Variants in GALNT8 observed in about 807,000 individuals in gnomAD.
GALNT8 encodes the protein probable polypeptide N-acetylgalactosaminyltransferase 8.
GALNT8 carries 66 observed loss-of-function variants against 62.7 expected under a neutral mutation model. That is an observed-to-expected ratio of 1.05 (90% CI 0.86 to 1.29). The LOEUF (loss-of-function observed/expected upper bound fraction) is 1.29, where lower values mean the gene tolerates loss of function less well. GALNT8 is among the 50% of genes most tolerant of loss of function. The pLI is 0.00. For synonymous variants in GALNT8, 288 were observed against 294.3 expected (o/e 0.98, Z 0.22); for missense variants, 771 against 791.8 (o/e 0.97, Z 0.32).
At chr12:4,722,323 A>G (rs1946174763) in intron 1 of GALNT8, among the ~76,000 whole-genome samples, 1 of 152,108 alleles carries the variant, frequency 6.6e-6, no homozygotes, top group Admixed American at 6.5e-5. Context: ...CTAAGATCGA[A>G]TCCTGATGTG....
At chr12:4,747,675 CAA>C (rs1392332330) in intron 6 of GALNT8, among the ~76,000 whole-genome samples, 1 of 152,172 alleles carries the variant, frequency 6.6e-6, no homozygotes, top group Non-Finnish European at 1.5e-5. Context: ...CTGCAACAAA[CAA>C]AAGAGTGCAG....
intron 1 of GALNT8, among the ~76,000 whole-genome samples, chr12:4,721,169 A>AT: frequency 6.6e-6 from 1 of 151,968 alleles, no homozygotes; most frequent in South Asian, 2.1e-4. Flanking sequence ...TTATATCTAC[A>AT]TATGTGCAGG....
Position 4,720,498 on chromosome 12 carries a change from G to T in GALNT8, c.-180G>T. 1.7e-6 allele frequency: 1 copy of T among 600,614 alleles called. No homozygotes were observed. Among genetic ancestry groups the T allele is most frequent in the Non-Finnish European group, 3.0e-6 (1 of 336,634 alleles). 37.2% of individuals were successfully genotyped at this position (600,614 alleles called of 1,614,324 possible). ...GGCATAAAGACAAAGAAGGCAATAA[G>T]GAGACTTTGCTCCTCAGAGGCCACC... On this transcript the variant is annotated 5_prime_UTR_variant, in exon 1 of 11. The change creates a new upstream start codon in the 5' untranslated region. Transcript: ENST00000252318.
intron 3 of GALNT8, among the ~76,000 whole-genome samples, chr12:4,742,754 G>A (rs1342848942): frequency 2.0e-5 from 3 of 152,014 alleles, no homozygotes; most frequent in Non-Finnish European, 4.4e-5. Flanking sequence ...AGGGAGCGCC[G>A]AAGGAATGGT....
Position 4,726,756 on chromosome 12 carries a change from A to C in GALNT8, c.436A>C (p.Lys146Gln). The change falls in exon 2 of 11, where the codon AAG becomes CAG. Residue 146 changes from lysine (K) to glutamine (Q), a missense_variant. Physicochemically the swap from Lys to Gln is moderately conservative, Grantham distance 53. Transcript: ENST00000252318. The surrounding 1 kb of genome is among the most constrained non-coding windows in gnomAD (Gnocchi z 4.1). ...QQKAAQDLFR[K>Q]FGYNAYLSNQ... is the part of the protein sequence containing the mutation. The stretch of plus-strand genomic sequence containing the variant: ...GAAGGCGGCCCAGGACCTCTTCCGG[A>C]AGTTTGGTTACAACGCGTACCTCAG... 1 of 1,613,924 alleles carries C rather than the reference A, an allele frequency of 6.2e-7. No homozygotes were observed.
rs76265421 is a variant in GALNT8, at chr12:4,762,601, C to T, written c.1360-652C>T. On this transcript the variant is annotated intron_variant, in intron 7 of 10. Coordinates refer to ENST00000252318, the MANE Select transcript of GALNT8 (RefSeq NM_017417.2). ...GCTTATGAGGAGAAATAAACCTGAG[C>T]GGCCCCACTATGCAGGCCTTGAAGG... Among the ~76,000 whole-genome samples the T allele has an allele frequency of 7.3e-3, 1,107 of 152,276 alleles. 14 individuals are homozygous for T. Among genetic ancestry groups the T allele is most frequent in the African/African-American group, 0.025 (1,059 of 41,536 alleles).
chr12:4,746,324 C>T lies in GALNT8; in HGVS notation c.1173+66C>T, dbSNP rs1296123761. ...GGGGAATAATAGAAAGGTAGTAGGACCCCTGGAATCCTAGAACAAGGCTGA... is the reference window on the plus strand; with the variant it reads ...GGGGAATAATAGAAAGGTAGTAGGATCCCTGGAATCCTAGAACAAGGCTGA... On this transcript the variant is annotated intron_variant, in intron 6 of 10. Transcript: ENST00000252318. 5 of 884,766 alleles carry T rather than the reference C, an allele frequency of 5.7e-6. No individual in the cohort carries two copies. In the East Asian group the frequency reaches 9.6e-5, roughly 17 times the overall value. 54.8% of individuals were successfully genotyped at this position (884,766 alleles called of 1,614,324 possible).
At chr12:4,763,905 T>A (rs765504052) in intron 8 of GALNT8, 47 bp from the exon 9 acceptor site, 7 of 983,890 alleles carry the variant, frequency 7.1e-6, no homozygotes, top group Admixed American at 1.7e-5. Context: ...TGGCGCCTCA[T>A]TCTCTGTCCT....
intron 10 of GALNT8, among the ~76,000 whole-genome samples, chr12:4,769,789 A>T (rs946283925): frequency 3.3e-5 from 5 of 152,090 alleles, no homozygotes; most frequent in African/African-American, 7.2e-5. Context: ...TCCTGAGGAC[A>T]TGACCTCATG....
chr12:4,766,585 A>C (rs1484659189), intron 10 of GALNT8, among the ~76,000 whole-genome samples: 2 of 152,178 alleles, frequency 1.3e-5, no homozygotes, highest in African/African-American at 4.8e-5. Context: ...GGCGGAGGGA[A>C]TCTGGCAGAA....
chr12:4,723,811 T>C (rs1210551088), intron 1 of GALNT8, among the ~76,000 whole-genome samples: 1 of 151,088 alleles, frequency 6.6e-6, no homozygotes, highest in Non-Finnish European at 1.5e-5. Context: ...TAATTACCCT[T>C]CATCCTGTTT....
intron 6 of GALNT8, among the ~76,000 whole-genome samples, chr12:4,747,635 G>T (rs1018306659): frequency 2.0e-5 from 3 of 151,998 alleles, no homozygotes; most frequent in Non-Finnish European, 2.9e-5. Flanking sequence ...CACTTAGATT[G>T]CTTCCATATC....
chr12:4,756,100 T>A (rs1946343653), intron 6 of GALNT8, among the ~76,000 whole-genome samples: 1 of 152,236 alleles, frequency 6.6e-6, no homozygotes, highest in African/African-American at 2.4e-5. Context: ...CCAATAAATT[T>A]CATGAATCAG....
intron 6 of GALNT8, among the ~76,000 whole-genome samples, chr12:4,759,340 G>A (rs1946361419): frequency 1.3e-5 from 2 of 151,908 alleles, no homozygotes; most frequent in South Asian, 4.2e-4. Flanking sequence ...CTCAGAGGCT[G>A]CCATAACTGA....
intron 1 of GALNT8, among the ~76,000 whole-genome samples, chr12:4,724,477 G>A (rs1453739782): frequency 6.6e-6 from 1 of 152,186 alleles, no homozygotes; most frequent in East Asian, 1.9e-4. Flanking sequence ...CCCACTGATA[G>A]CCATGAGTGA....
chr12:4,763,317 A>G lies in GALNT8; in HGVS notation c.1424A>G (p.Lys475Arg), dbSNP rs914455892. ...GCACTCCGGGAAAAACTGAAATGTA[A>G]AACTTTTGACTGGTACCTGAAAAAT... ...RMALREKLKC[K>R]TFDWYLKNVY... is the part of the protein sequence containing the mutation. The change falls in exon 8 of 11, where the codon AAA (lysine) becomes AGA (arginine). Residue 475 changes from lysine to arginine, a missense_variant. Physicochemically the swap from Lys to Arg is conservative, Grantham distance 26 (BLOSUM62 2). Transcript: ENST00000252318. 6.2e-7 allele frequency: 1 copy of G among 1,612,268 alleles called. No homozygotes were observed. The highest frequency in any genetic ancestry group is 8.5e-7 in the Non-Finnish European group (1 of 1,178,280).
At chr12:4,756,255 C>A (rs1259780026) in intron 6 of GALNT8, among the ~76,000 whole-genome samples, 14 of 152,094 alleles carry the variant, frequency 9.2e-5, no homozygotes, top group Admixed American at 6.5e-5. Flanking sequence ...TTTTCATCTT[C>A]CAGCCTAAGG....
intron 1 of GALNT8, among the ~76,000 whole-genome samples, chr12:4,725,479 C>T (rs1946190587): frequency 6.6e-6 from 1 of 151,606 alleles, no homozygotes; most frequent in Non-Finnish European, 1.5e-5. Context: ...TTCTCAGGCT[C>T]TACCCCAGAA....
intron 10 of GALNT8, among the ~76,000 whole-genome samples, chr12:4,767,062 T>C (rs1946403298): frequency 6.6e-6 from 1 of 152,040 alleles, no homozygotes; most frequent in Non-Finnish European, 1.5e-5. Flanking sequence ...AAAATCCAGG[T>C]TCCCTCTGAC....
Sources: gnomAD v4.1 joint callset for allele counts (sites outside exome capture counted in the v4.1 genomes callset) on GRCh38, gnomAD v4.1.1 for gene constraint, Gnocchi (gnomAD v3.1) non-coding constraint, MANE v1.5 for transcripts, NCBI Gene and HGNC (gene_info 2026-07-23, HGNC 2026-07-21) for gene names.